The following LINGO2 variants were observed in gnomAD, a reference collection of about 807,000 sequenced individuals.
LINGO2 encodes the protein leucine rich repeat and Ig domain containing 2, also known as leucine-rich repeat and immunoglobulin-like domain-containing nogo receptor-interacting protein 2.
In LINGO2, 14 loss-of-function variants were observed where a neutral mutation model predicts 30.6. The ratio of observed to expected loss-of-function variants is 0.46; its 90% CI spans 0.30 to 0.72. The LOEUF (loss-of-function observed/expected upper bound fraction) is 0.72, where lower values mean the gene tolerates loss of function less well. Ranked by LOEUF, LINGO2 falls within the 30% of genes least tolerant of loss-of-function variation. The pLI, the probability that LINGO2 is intolerant of heterozygous loss-of-function variation, is 0.07. For missense variants in LINGO2, 729 were observed against 751.7 expected (o/e 0.97, Z 0.35); for synonymous variants, 317 against 288.5 (o/e 1.10, Z -1.00).
chr9:28,439,729 C>A (rs1300311118), intron 2 of LINGO2, among the ~76,000 whole-genome samples: 2 of 152,140 alleles, frequency 1.3e-5, no homozygotes, highest in African/African-American at 4.8e-5. Flanking sequence ...GCCTGCAGAA[C>A]GATGAGCCAA....
chr9:28,829,165 G>A, the LINGO2 span, among the ~76,000 whole-genome samples: 1 of 152,170 alleles, frequency 6.6e-6, no homozygotes, highest in South Asian at 2.1e-4. Flanking sequence ...ACTTCAGAGG[G>A]ACAGCTTGAT....
chr9:28,300,085 G>T (rs1172672584), intron 3 of LINGO2, among the ~76,000 whole-genome samples: 2 of 143,994 alleles, frequency 1.4e-5, no homozygotes, highest in African/African-American at 2.6e-5. Flanking sequence ...ATTTAATTTT[G>T]AAAGCAACAG....
At chr9:29,014,475 G>A in the LINGO2 span, among the ~76,000 whole-genome samples, 2 of 152,044 alleles carry the variant, frequency 1.3e-5, no homozygotes, top group African/African-American at 4.8e-5. Flanking sequence ...AACACTTTTA[G>A]ATGTATCAAC....
chr9:29,128,501 G>T, the LINGO2 span, among the ~76,000 whole-genome samples: 1 of 152,156 alleles, frequency 6.6e-6, no homozygotes, highest in Admixed American at 6.6e-5. Context: ...TGTTGAATGG[G>T]AAAGTGGGAA....
At chr9:28,372,473 T>C (rs1419195662) in intron 3 of LINGO2, among the ~76,000 whole-genome samples, 1 of 151,982 alleles carries the variant, frequency 6.6e-6, no homozygotes, top group Non-Finnish European at 1.5e-5. Flanking sequence ...GTCACAGAAA[T>C]AGAGAATAGA....
At chr9:28,691,302 T>C in the LINGO2 span, among the ~76,000 whole-genome samples, 14 of 152,310 alleles carry the variant, frequency 9.2e-5, no homozygotes, top group South Asian at 2.9e-3. Context: ...ATAAACCTAC[T>C]GTACCAATTT....
chr9:29,167,653 C>T, the LINGO2 span, among the ~76,000 whole-genome samples: 1 of 152,048 alleles, frequency 6.6e-6, no homozygotes, highest in African/African-American at 2.4e-5. Context: ...TATCTTAAAG[C>T]CATTAGAATC....
intron 1 of LINGO2, among the ~76,000 whole-genome samples, chr9:28,611,043 T>A (rs1825894523): frequency 6.6e-6 from 1 of 152,148 alleles, no homozygotes; most frequent in South Asian, 2.1e-4. Context: ...GCTGCTATTC[T>A]GACTACTGCA....
intron 4 of LINGO2, among the ~76,000 whole-genome samples, chr9:28,240,591 T>C (rs1418533301): frequency 1.3e-5 from 2 of 152,164 alleles, no homozygotes; most frequent in African/African-American, 2.4e-5. Context: ...GTTATCTATA[T>C]GCAGAAGAAT....
At chr9:29,053,974 G>T in the LINGO2 span, among the ~76,000 whole-genome samples, 924 of 152,020 alleles carry the variant, frequency 6.1e-3, 8 homozygotes, top group South Asian at 0.016. Context: ...AATATTAAAA[G>T]AATTTATAAA....
chr9:29,129,154 T>G, the LINGO2 span, among the ~76,000 whole-genome samples: 1 of 152,116 alleles, frequency 6.6e-6, no homozygotes, highest in Non-Finnish European at 1.5e-5. Context: ...TTAATGTTGT[T>G]AGCTGAGTCT....
At chr9:28,553,140 T>G (rs1822404608) in intron 1 of LINGO2, among the ~76,000 whole-genome samples, 1 of 152,074 alleles carries the variant, frequency 6.6e-6, no homozygotes, top group East Asian at 1.9e-4. Flanking sequence ...GGAACAAAGC[T>G]GGATGGAGAA....
the LINGO2 span, among the ~76,000 whole-genome samples, chr9:29,162,586 T>C: frequency 6.6e-6 from 1 of 152,232 alleles, no homozygotes; most frequent in Non-Finnish European, 1.5e-5. Context: ...AATCAATGGA[T>C]ATGAAAGGGA....
chr9:28,696,392 C>T, the LINGO2 span, among the ~76,000 whole-genome samples: 1 of 151,754 alleles, frequency 6.6e-6, no homozygotes, highest in Non-Finnish European at 1.5e-5. Flanking sequence ...ATTTGCAAAA[C>T]GATAAGCAAA....
At chr9:28,449,102 T>G (rs776420550) in intron 2 of LINGO2, among the ~76,000 whole-genome samples, 6 of 151,404 alleles carry the variant, frequency 4.0e-5, no homozygotes, top group Non-Finnish European at 7.4e-5. Flanking sequence ...TTTGGTTGTT[T>G]TAATATTGGC....
At chr9:28,471,564 A>G (rs369915097) in intron 2 of LINGO2, among the ~76,000 whole-genome samples, 9 of 152,314 alleles carry the variant, frequency 5.9e-5, no homozygotes, top group East Asian at 5.8e-4. Context: ...CACGAACAAT[A>G]GCACCATTCT....
intron 5 of LINGO2, among the ~76,000 whole-genome samples, chr9:27,993,176 G>A (rs1463473698): frequency 6.6e-6 from 1 of 152,060 alleles, no homozygotes; most frequent in African/African-American, 2.4e-5. Flanking sequence ...TGAATTTAGA[G>A]TTCTTTTATG....
At chr9:28,486,758 C>T (rs1253825493) in intron 1 of LINGO2, among the ~76,000 whole-genome samples, 1 of 151,920 alleles carries the variant, frequency 6.6e-6, no homozygotes, top group Non-Finnish European at 1.5e-5. Context: ...GAAACACAAC[C>T]TCATGTTCCA....
chr9:28,437,170 C>T (rs555569100), intron 2 of LINGO2, among the ~76,000 whole-genome samples: 26 of 152,274 alleles, frequency 1.7e-4, no homozygotes, highest in Admixed American at 5.9e-4. Flanking sequence ...GTAGTGGTCA[C>T]GATCCTGGGC....
Sources: allele counts gnomAD v4.1 joint callset (sites outside exome capture counted in the v4.1 genomes callset), GRCh38; gene constraint gnomAD v4.1.1; transcripts MANE v1.5; gene names NCBI Gene and HGNC (gene_info 2026-07-23, HGNC 2026-07-21).